The following ZFHX3 variants were observed in gnomAD, a reference collection of about 807,000 sequenced individuals.
ZFHX3 encodes the protein zinc finger homeobox protein 3.
Under a neutral mutation model 279.1 loss-of-function variants are expected in ZFHX3, and 42 were observed. The ratio of observed to expected loss-of-function variants is 0.15; its 90% CI spans 0.12 to 0.19. The LOEUF is 0.19. Ranked by LOEUF, ZFHX3 falls within the 10% of genes least tolerant of loss-of-function variation. The pLI is 1.00. For synonymous variants in ZFHX3, 2,293 were observed against 1,957.8 expected, an observed-to-expected ratio of 1.17 and a Z score of -4.52; for missense variants, 4,981 against 4,754.0, an observed-to-expected ratio of 1.05 and a Z score of -1.40.
At chr16:72,907,458 G>C (rs1002470323) in intron 3 of ZFHX3, among the ~76,000 whole-genome samples, 3 of 151,194 alleles carry the variant, frequency 2.0e-5, no homozygotes, top group Admixed American at 6.6e-5. Flanking sequence ...TTCACTAAAG[G>C]GTCTTTATCA....
intron 1 of ZFHX3, among the ~76,000 whole-genome samples, chr16:73,785,634 T>C (rs1250924848): frequency 2.0e-5 from 3 of 152,168 alleles, no homozygotes; most frequent in Non-Finnish European, 4.4e-5. Context: ...GGGTGGTGGG[T>C]GCAGGGTAAA....
At chr16:73,016,718 G>A (rs1964114371) in intron 1 of ZFHX3, among the ~76,000 whole-genome samples, 2 of 151,994 alleles carry the variant, frequency 1.3e-5, no homozygotes, top group African/African-American at 4.8e-5. Flanking sequence ...CTATTTGAAT[G>A]TCCATTTACA....
chr16:73,116,570 T>G (rs988128359), intron 7 of ZFHX3, among the ~76,000 whole-genome samples: 1 of 152,126 alleles, frequency 6.6e-6, no homozygotes, highest in Non-Finnish European at 1.5e-5. Flanking sequence ...ATGCAGACCA[T>G]GTACCTATCA....
At chr16:73,269,405 T>C (rs2014079568) in intron 4 of ZFHX3, among the ~76,000 whole-genome samples, 1 of 152,244 alleles carries the variant, frequency 6.6e-6, no homozygotes, top group South Asian at 2.1e-4. Flanking sequence ...CACAATGCCA[T>C]ATAAATGGAA....
chr16:72,945,144 C>T (rs12596992), intron 3 of ZFHX3, among the ~76,000 whole-genome samples: 3 of 151,802 alleles, frequency 2.0e-5, no homozygotes, highest in Non-Finnish European at 2.9e-5. Context: ...ACCTATTGGA[C>T]GAATGTGGAT....
chr16:73,329,220 T>G (rs1297612518), intron 3 of ZFHX3, among the ~76,000 whole-genome samples: 1 of 152,356 alleles, frequency 6.6e-6, no homozygotes, highest in East Asian at 1.9e-4. Flanking sequence ...TGTTTCATTG[T>G]GGATTCCACA....
At chr16:73,582,198 G>A (rs2051869125) in intron 2 of ZFHX3, among the ~76,000 whole-genome samples, 1 of 151,784 alleles carries the variant, frequency 6.6e-6, no homozygotes, top group South Asian at 2.1e-4. Context: ...AAAAATTGTG[G>A]CACAAAACAC....
intron 2 of ZFHX3, among the ~76,000 whole-genome samples, chr16:73,650,815 C>T (rs1281074885): frequency 3.3e-5 from 5 of 152,054 alleles, no homozygotes; most frequent in African/African-American, 9.7e-5. Context: ...TATCCTAGGT[C>T]TCAAAACCCA....
At chr16:73,740,238 G>A (rs8053939) in intron 1 of ZFHX3, among the ~76,000 whole-genome samples, 6,400 of 152,156 alleles carry the variant, frequency 0.042, 491 homozygotes, top group African/African-American at 0.15. Context: ...CCTAGAATTA[G>A]CATTCCTCTA....
At chr16:72,893,551 G>T (rs1421356623) in intron 3 of ZFHX3, among the ~76,000 whole-genome samples, 4 of 137,944 alleles carry the variant, frequency 2.9e-5, no homozygotes, top group African/African-American at 1.1e-4. Flanking sequence ...TTTAAAAAAT[G>T]GATATGATAA....
rs540497221 is a variant in ZFHX3 at position 73,639,996 on chromosome 16, G to A, written c.-1547+40184C>T. On this transcript the variant is annotated intron_variant, in intron 2 of 17. Transcript: ENST00000641206. ...CTAAAAATTGGAGGATTGGCCAAAA[G>A]TTCGTGGAAAGAGCATTTGGAGCTC... is the stretch of plus-strand genomic sequence containing the variant. 5.9e-5 allele frequency among the ~76,000 whole-genome samples: 9 copies of A among 152,294 alleles called. No individual in the cohort carries two copies. The South Asian group carries it at 1.0e-3, about 18-fold the overall frequency.
At chr16:73,596,658 G>A (rs1169798557) in intron 2 of ZFHX3, among the ~76,000 whole-genome samples, 1 of 152,148 alleles carries the variant, frequency 6.6e-6, no homozygotes, top group Non-Finnish European at 1.5e-5. Flanking sequence ...CCATGGTTAG[G>A]ATAAGCATTT....
intron 3 of ZFHX3, among the ~76,000 whole-genome samples, chr16:73,362,179 C>G (rs1458639693): frequency 6.6e-6 from 1 of 152,170 alleles, no homozygotes; most frequent in Non-Finnish European, 1.5e-5. Context: ...TGCTACATTC[C>G]CTACGTAAGG....
Position 72,793,791 on chromosome 16 carries a change from C to A in ZFHX3, c.8891G>T (p.Cys2964Phe). Reference sequence around the variant, plus strand: ...AGTGGGTGTCCTGTAGTCATTAAAGCATGACTTGAGGACCTTCAGCTGCAG... The same window carrying A: ...AGTGGGTGTCCTGTAGTCATTAAAGAATGACTTGAGGACCTTCAGCTGCAG... Reference protein sequence around the residue: ...TNLQLKVLKSCFNDYRTPTML... With the variant: ...TNLQLKVLKSFFNDYRTPTML... Residue 2964 changes from cysteine (C) to phenylalanine (F), a missense_variant, in exon 9 of 10, where the codon TGC becomes TTC. Coordinates refer to ENST00000268489, the MANE Select transcript of ZFHX3 (RefSeq NM_006885.4). The surrounding 1 kb of genome is among the most constrained non-coding windows in gnomAD (Gnocchi z 4.3). 2 of 1,614,198 alleles carry A rather than the reference C, an allele frequency of 1.2e-6. No individual in the cohort carries two copies.
In ZFHX3 at chr16:73,399,023, C is replaced by T. The variant is rs975770835; in HGVS notation, c.-1291+56980G>A. ...GGGACTACAGGCATGCACCACCATG[C>T]CCCCCGCTAATTTTTTTTTTTTTTT... On this transcript the variant is annotated intron_variant, in intron 3 of 17. Transcript: ENST00000641206. Among the ~76,000 whole-genome samples, 4 of 139,950 alleles carry T rather than the reference C, an allele frequency of 2.9e-5. No homozygotes were observed. In the South Asian group the frequency reaches 9.4e-4, roughly 33 times the overall value. The allele number at this position is 139,950 out of a possible 152,430, so 91.8% of individuals were successfully genotyped here. A position where few individuals can be genotyped will look rare whatever the true frequency, so the allele number is the denominator to read the frequency against.
chr16:73,715,562 CTTTTTTTTTT>C (rs949665075), intron 1 of ZFHX3, among the ~76,000 whole-genome samples: 1 of 63,016 alleles, frequency 1.6e-5, no homozygotes, highest in African/African-American at 7.4e-5. Flanking sequence ...CACAGCTGGT[CTTTTTTTTTT>C]TTTTTTTTTT....
Position 73,732,394 on chromosome 16 carries a change from G to C in ZFHX3, c.-1607-52154C>G, listed in dbSNP as rs4131166. Reference sequence around the variant, plus strand: ...GCTTTGGGTTCTTTAAATAAACAGTGAAATACAAACAGAAAAGAAATATTG... The same window carrying C: ...GCTTTGGGTTCTTTAAATAAACAGTCAAATACAAACAGAAAAGAAATATTG... On this transcript the variant is annotated intron_variant, in intron 1 of 17. Transcript: ENST00000641206. Among the ~76,000 whole-genome samples the C allele has an allele frequency of 2.6e-3, 402 of 152,296 alleles. 1 individual carries two copies. Among genetic ancestry groups the C allele is most frequent in the Middle Eastern group, 6.8e-3 (2 of 294 alleles).
intron 1 of ZFHX3, among the ~76,000 whole-genome samples, chr16:72,988,378 C>A (rs1019253508): frequency 6.6e-6 from 1 of 152,204 alleles, no homozygotes; most frequent in Non-Finnish European, 1.5e-5. Flanking sequence ...TTAGCTGGTA[C>A]ACGGACCCAA....
At chr16:73,803,843 T>C (rs1960202375) in intron 1 of ZFHX3, among the ~76,000 whole-genome samples, 1 of 152,144 alleles carries the variant, frequency 6.6e-6, no homozygotes, top group African/African-American at 2.4e-5. Flanking sequence ...ACAAAGATAA[T>C]GATACAGAAA....
Sources: allele counts gnomAD v4.1 joint callset (sites outside exome capture counted in the v4.1 genomes callset), GRCh38; gene constraint gnomAD v4.1.1; non-coding constraint Gnocchi (gnomAD v3.1); transcripts MANE v1.5; gene names NCBI Gene and HGNC (gene_info 2026-07-23, HGNC 2026-07-21).